The following RFPL2 variants were observed in gnomAD, a reference collection of about 807,000 sequenced individuals.
RFPL2 encodes the protein ret finger protein-like 2.
RFPL2 carries 13 observed loss-of-function variants against 17.8 expected under a neutral mutation model. That is an observed-to-expected ratio of 0.73 (90% CI 0.47 to 1.16). The LOEUF is 1.16. Among genes scored for constraint, RFPL2 ranks in the 50% most tolerant of loss-of-function variants. The pLI, the probability that RFPL2 is intolerant of heterozygous loss-of-function variation, is 0.00. For synonymous variants in RFPL2, 189 were observed against 180.9 expected (o/e 1.04, Z -0.36); for missense variants, 431 against 479.3 (o/e 0.90, Z 0.94).
intron 2 of RFPL2, among the ~76,000 whole-genome samples, chr22:32,198,228 C>T: frequency 6.6e-6 from 1 of 152,138 alleles, no homozygotes; most frequent in East Asian, 1.9e-4. Context: ...CATGCCCCTT[C>T]CCTCCTTAGG....
rs1418792844 is a variant in RFPL2, at chr22:32,194,481, C to T, written c.129G>A (p.Arg43=). 6.8e-6 allele frequency: 11 copies of T among 1,610,674 alleles called. No homozygotes were observed. Among genetic ancestry groups the T allele is most frequent in the Non-Finnish European group, 9.3e-6 (11 of 1,178,926 alleles). The stretch of plus-strand genomic sequence containing the variant: ...GGTCACGCCCTTCCACACCCTCTAA[C>T]CTGATGAGGCTTTGATTTAATTATA... ...MMVIRSLSLI[R]LEGVEGRDPV... Residue 43 remains arginine, a synonymous_variant, in exon 3 of 5, where the codon AGG becomes AGA. Coordinates refer to ENST00000652607, the MANE Select transcript of RFPL2 (RefSeq NM_001394555.1).
At chr22:32,200,624 T>C (rs1243604001) in intron 2 of RFPL2, among the ~76,000 whole-genome samples, 1 of 152,026 alleles carries the variant, frequency 6.6e-6, no homozygotes, top group Non-Finnish European at 1.5e-5. Flanking sequence ...GCCTCCTTCC[T>C]GGATGAAGCT....
At chr22:32,193,448 C>G (rs1922941591) in intron 3 of RFPL2, 1 of 1,458,796 alleles carries the variant, frequency 6.9e-7, no homozygotes, top group Admixed American at 2.7e-5. Flanking sequence ...CTCCTGGTGA[C>G]CCAGCAGCTG....
intron 1 of RFPL2, among the ~76,000 whole-genome samples, chr22:32,204,202 C>A (rs915453419): frequency 1.3e-5 from 2 of 151,316 alleles, no homozygotes; most frequent in Non-Finnish European, 2.9e-5. Flanking sequence ...GATAGAGCCC[C>A]CAACCAGCCC....
At chr22:32,202,977 C>G (rs1301038023) in intron 1 of RFPL2, 3 of 985,830 alleles carry the variant, frequency 3.0e-6, no homozygotes, top group Non-Finnish European at 3.6e-6. Context: ...GGCTGGGGCC[C>G]CTGCCGCGCT....
chr22:32,199,933 A>AC, intron 2 of RFPL2: 1 of 530,000 alleles, frequency 1.9e-6, no homozygotes, highest in Non-Finnish European at 3.8e-6. Context: ...GCCCAAGGCC[A>AC]CCCCCTCGGT....
At chr22:32,204,116 AC>A (rs1555982397) in intron 1 of RFPL2, among the ~76,000 whole-genome samples, 1 of 53,656 alleles carries the variant, frequency 1.9e-5, no homozygotes, top group Admixed American at 2.0e-4. Context: ...CCCAACCCGC[AC>A]CCCCACCCCC....
intron 2 of RFPL2, among the ~76,000 whole-genome samples, chr22:32,194,713 T>C (rs968951003): frequency 6.6e-6 from 1 of 152,242 alleles, no homozygotes; most frequent in African/African-American, 2.4e-5. Flanking sequence ...TAATATGTTG[T>C]AGGCTTCAAG....
In RFPL2 at chr22:32,191,167, C is replaced by T. The variant is rs1002807108; in HGVS notation, c.742G>A (p.Gly248Arg). The change falls in exon 5 of 5, where the codon GGA becomes AGA. Residue 248 changes from glycine (G) to arginine (R), a missense_variant. By Grantham distance (125) the Gly-to-Arg change is moderately radical. Transcript: ENST00000652607. ...CCCAGGTCCCATTCTGTGCTTGTTCCCACGTCCACCTCCCAGCAGTGGCGG... is the reference window on the plus strand; with the variant it reads ...CCCAGGTCCCATTCTGTGCTTGTTCTCACGTCCACCTCCCAGCAGTGGCGG... ...CGRHCWEVDV[G>R]TSTEWDLGVC... 7 of 1,613,816 alleles carry T rather than the reference C, an allele frequency of 4.3e-6. No homozygotes were observed. The highest frequency in any genetic ancestry group is 3.3e-4 in the Middle Eastern group (2 of 6,078).
chr22:32,202,108 T>G (rs1237436262), intron 2 of RFPL2, among the ~76,000 whole-genome samples: 2 of 152,120 alleles, frequency 1.3e-5, no homozygotes, highest in Non-Finnish European at 2.9e-5. Flanking sequence ...CCCCAGCTCC[T>G]GGCCCTTTCT....
Position 32,191,368 on chromosome 22 carries a change from A to T in RFPL2, c.557-16T>A, listed in dbSNP as rs1308653048. On this transcript the variant is annotated splice_polypyrimidine_tract_variant and intron_variant, in intron 4 of 4. Coordinates refer to ENST00000652607, the MANE Select transcript of RFPL2 (RefSeq NM_001394555.1). ...GTCATATCCACTGTGAAAAGGAAAA[A>T]AAGTTGCTCAGCAAATGGACAGAAA... 6.3e-7 allele frequency: 1 copy of T among 1,597,138 alleles called. No homozygotes were observed. The highest frequency in any genetic ancestry group is 1.3e-5 in the African/African-American group (1 of 74,278).
chr22:32,202,309 G>C (rs756058612), intron 2 of RFPL2, 24 bp downstream of exon 2: 4 of 1,570,544 alleles, frequency 2.5e-6, no homozygotes, highest in Non-Finnish European at 3.5e-6. Flanking sequence ...GGAGCAATGC[G>C]GAAAACCCAG....
chr22:32,198,573 G>C (rs766083196), intron 2 of RFPL2, among the ~76,000 whole-genome samples: 3 of 151,996 alleles, frequency 2.0e-5, no homozygotes, highest in Non-Finnish European at 4.4e-5. Context: ...CCGGCTGACT[G>C]TCCTAGGTGA....
intron 4 of RFPL2, among the ~76,000 whole-genome samples, chr22:32,192,483 A>T (rs895319180): frequency 3.9e-5 from 6 of 152,304 alleles, no homozygotes; most frequent in African/African-American, 1.4e-4. Context: ...TTCACCGTGC[A>T]TTAGAATTAC....
In RFPL2 at chr22:32,203,786, C is replaced by T. The variant is rs569740392; in HGVS notation, c.-100+921G>A. ...CTTGCCCCTCAGCGACCAGTGCAGCCATGGATAGCGCCCTCAACAAGCCCC... is the reference window on the plus strand; with the variant it reads ...CTTGCCCCTCAGCGACCAGTGCAGCTATGGATAGCGCCCTCAACAAGCCCC... On this transcript the variant is annotated intron_variant, in intron 1 of 4. Coordinates refer to ENST00000652607, the MANE Select transcript of RFPL2 (RefSeq NM_001394555.1). Among the ~76,000 whole-genome samples, 146 of 151,824 alleles carry T rather than the reference C, an allele frequency of 9.6e-4. 2 individuals carry two copies. The highest frequency in any genetic ancestry group is 9.2e-4 in the Admixed American group (14 of 15,264).
chr22:32,199,876 T>A, intron 2 of RFPL2: 3 of 426,990 alleles, frequency 7.0e-6, no homozygotes. Context: ...GGCTCCCAGG[T>A]ACACAACAGG....
At chr22:32,193,847 A>G (rs1433231491) in intron 3 of RFPL2, among the ~76,000 whole-genome samples, 1 of 133,988 alleles carries the variant, frequency 7.5e-6, no homozygotes, top group Non-Finnish European at 1.5e-5. Context: ...TGGGCAACAG[A>G]GTGAGACACC....
chr22:32,194,364 T>C lies in RFPL2; in HGVS notation c.246A>G (p.Arg82=). Residue 82 remains arginine (R), a synonymous_variant, in exon 3 of 5, where the codon AGA becomes AGG. Transcript: ENST00000652607. ...LSAQWKQLED[R]GASSRRVDMA... is the part of the protein sequence containing the mutation. ...GCTCACCTCTTCTGCTGGAAGCTCCTCTGTCCTCCAGCTGCTTCCACTGGG... is the reference window on the plus strand; with the variant it reads ...GCTCACCTCTTCTGCTGGAAGCTCCCCTGTCCTCCAGCTGCTTCCACTGGG... 6.2e-7 allele frequency: 1 copy of C among 1,603,850 alleles called. No homozygotes were observed. Among genetic ancestry groups the C allele is most frequent in the Non-Finnish European group, 8.5e-7 (1 of 1,177,244 alleles).
chr22:32,203,810 C>T (rs1476985817), intron 1 of RFPL2, among the ~76,000 whole-genome samples: 1 of 151,228 alleles, frequency 6.6e-6, no homozygotes, highest in Non-Finnish European at 1.5e-5. Context: ...TCAACAAGCC[C>T]CTCCACTGAC....
Sources: allele counts gnomAD v4.1 joint callset (sites outside exome capture counted in the v4.1 genomes callset), GRCh38; gene constraint gnomAD v4.1.1; transcripts MANE v1.5; gene names NCBI Gene and HGNC (gene_info 2026-07-23, HGNC 2026-07-21).